Variants in SLC25A48 observed in about 807,000 individuals in gnomAD.
SLC25A48 encodes CTC-321K16.1.
In SLC25A48, 29 loss-of-function variants were observed where a neutral mutation model predicts 32.2. The ratio of observed to expected loss-of-function variants is 0.90; its 90% CI spans 0.67 to 1.23. The LOEUF is 1.23. SLC25A48 is among the 50% of genes most tolerant of loss of function. The probability of loss-of-function intolerance (pLI) is 0.00; values close to 1 mark genes in which losing one functional copy is unlikely to be tolerated. For missense variants in SLC25A48, 399 were observed against 422.7 expected (o/e 0.94, Z 0.49); for synonymous variants, 164 against 172.3 (o/e 0.95, Z 0.38).
At chr5:135,698,093 A>G (rs533300930) in intron 3 of SLC25A48, among the ~76,000 whole-genome samples, 1 of 152,310 alleles carries the variant, frequency 6.6e-6, no homozygotes, top group East Asian at 1.9e-4. Context: ...GAGCTGCCTA[A>G]ATCACATTAT....
At chr5:135,694,641 G>A (rs1035224744) in intron 3 of SLC25A48, among the ~76,000 whole-genome samples, 7 of 151,822 alleles carry the variant, frequency 4.6e-5, no homozygotes, top group Non-Finnish European at 8.8e-5. Context: ...TGTCACTCAG[G>A]CTGGAGAGCG....
At chr5:135,580,905 C>T (rs966337917) in intron 1 of SLC25A48, among the ~76,000 whole-genome samples, 4 of 152,182 alleles carry the variant, frequency 2.6e-5, no homozygotes, top group African/African-American at 7.2e-5. Flanking sequence ...CTCCATGTGG[C>T]TAGCCTTGCT....
chr5:135,684,425 G>T (rs1753970595), intron 3 of SLC25A48, among the ~76,000 whole-genome samples: 1 of 152,138 alleles, frequency 6.6e-6, no homozygotes, highest in East Asian at 1.9e-4. Context: ...CATCTGCAAG[G>T]AAGAGAAGGA....
chr5:135,869,708 G>A (rs565152101), intron 4 of SLC25A48, among the ~76,000 whole-genome samples: 1 of 152,292 alleles, frequency 6.6e-6, no homozygotes, highest in South Asian at 2.1e-4. Flanking sequence ...AGCACCATGG[G>A]TCTGGAAGAG....
At chr5:135,668,370 T>C (rs1025768648) in intron 3 of SLC25A48, among the ~76,000 whole-genome samples, 7 of 152,142 alleles carry the variant, frequency 4.6e-5, no homozygotes, top group South Asian at 2.1e-4. Flanking sequence ...GAAGTTGAAA[T>C]AGTAGTGACA....
At chr5:135,810,853 C>G (rs929911691) in intron 3 of SLC25A48, among the ~76,000 whole-genome samples, 5 of 152,184 alleles carry the variant, frequency 3.3e-5, no homozygotes, top group African/African-American at 1.2e-4. Flanking sequence ...TTTGCCAGCA[C>G]TCGCAAGGGT....
chr5:135,843,018 C>T (rs1010606839), intron 2 of SLC25A48, among the ~76,000 whole-genome samples: 8 of 152,286 alleles, frequency 5.3e-5, no homozygotes, highest in Admixed American at 3.9e-4. Context: ...CCTCACAGAC[C>T]GTTTTCAAAT....
chr5:135,587,225 A>C (rs997673195), intron 1 of SLC25A48, among the ~76,000 whole-genome samples: 4 of 152,070 alleles, frequency 2.6e-5, no homozygotes, highest in Non-Finnish European at 5.9e-5. Flanking sequence ...AGAGACGGGG[A>C]TCTCACTATG....
At chr5:135,825,566 G>A (rs1758019963) in intron 4 of SLC25A48, among the ~76,000 whole-genome samples, 1 of 152,180 alleles carries the variant, frequency 6.6e-6, no homozygotes, top group Non-Finnish European at 1.5e-5. Flanking sequence ...CCACTGTGGT[G>A]TTGCAGGCAC....
At chr5:135,770,807 C>G (rs1423265129) in intron 3 of SLC25A48, among the ~76,000 whole-genome samples, 1 of 149,152 alleles carries the variant, frequency 6.7e-6, no homozygotes, top group Non-Finnish European at 1.5e-5. Flanking sequence ...AGGGTGTATA[C>G]CCTCCCTGTG....
chr5:135,885,599 CCT>C (rs145222181), intron 7 of SLC25A48, among the ~76,000 whole-genome samples: 4,844 of 152,174 alleles, frequency 0.032, 88 homozygotes, highest in Middle Eastern at 0.044. Flanking sequence ...GTCTGTGCAC[CCT>C]CTCTTTCTCA....
At chr5:135,800,789 G>T (rs149862606) in intron 3 of SLC25A48, among the ~76,000 whole-genome samples, 4 of 151,536 alleles carry the variant, frequency 2.6e-5, no homozygotes, top group Admixed American at 1.3e-4. Context: ...TGTAAGATCC[G>T]GTGGGGAGTG....
intron 3 of SLC25A48, among the ~76,000 whole-genome samples, chr5:135,698,340 G>T (rs1001684447): frequency 2.4e-4 from 37 of 152,196 alleles, no homozygotes; most frequent in African/African-American, 8.9e-4. Context: ...TCTTTGGCTG[G>T]TGGTTCTTAA....
chr5:135,883,815 C>T (rs1409557605), intron 7 of SLC25A48, among the ~76,000 whole-genome samples: 1 of 152,202 alleles, frequency 6.6e-6, no homozygotes, highest in Non-Finnish European at 1.5e-5. Context: ...CAAAACAAAA[C>T]ACTTGATCCA....
At chr5:135,837,100 G>A (rs1238986054) in intron 1 of SLC25A48, among the ~76,000 whole-genome samples, 1 of 151,526 alleles carries the variant, frequency 6.6e-6, no homozygotes, top group Non-Finnish European at 1.5e-5. Context: ...CAGATGGGTG[G>A]GCTAATAAGT....
At chr5:135,875,294 C>T (rs998268049) in intron 6 of SLC25A48, 2 of 152,324 alleles carry the variant, frequency 1.3e-5, no homozygotes, top group African/African-American at 4.8e-5. Flanking sequence ...TTCTCACACA[C>T]CACCACGGGC....
At chr5:135,695,832 C>T (rs1486505477) in intron 3 of SLC25A48, among the ~76,000 whole-genome samples, 1 of 152,230 alleles carries the variant, frequency 6.6e-6, no homozygotes, top group Non-Finnish European at 1.5e-5. Context: ...AACAAATTCC[C>T]AGCAGCTCTG....
chr5:135,774,033 C>A (rs993514254), intron 3 of SLC25A48, among the ~76,000 whole-genome samples: 1 of 150,964 alleles, frequency 6.6e-6, no homozygotes, highest in Admixed American at 6.6e-5. Context: ...GCAGTCTACA[C>A]CTCCCAAAAT....
intron 3 of SLC25A48, among the ~76,000 whole-genome samples, chr5:135,684,034 G>A (rs1753961563): frequency 6.6e-6 from 1 of 152,136 alleles, no homozygotes; most frequent in African/African-American, 2.4e-5. Flanking sequence ...GACCCATTCG[G>A]TTTTCTTGAA....
Sources: gnomAD v4.1 joint callset for allele counts (sites outside exome capture counted in the v4.1 genomes callset) on GRCh38, gnomAD v4.1.1 for gene constraint, MANE v1.5 for transcripts, NCBI Gene and HGNC (gene_info 2026-07-23, HGNC 2026-07-21) for gene names.